The following PDE3B variants were observed in gnomAD, a reference collection of about 807,000 sequenced individuals.
PDE3B encodes the protein cGMP-inhibited 3',5'-cyclic phosphodiesterase 3B.
Under a neutral mutation model 116.8 loss-of-function variants are expected in PDE3B, and 66 were observed. The observed-to-expected ratio is 0.56, with a 90% CI of 0.46 to 0.69. PDE3B has a LOEUF of 0.69. Among genes scored for constraint, PDE3B ranks in the 30% least tolerant of loss-of-function variants. PDE3B has a pLI of 0.00. For missense variants in PDE3B, 1,384 were observed against 1,368.1 expected (o/e 1.01, Z -0.18); for synonymous variants, 595 against 533.6 (o/e 1.12, Z -1.59).
chr11:14,766,258 A>G (rs1379393177), intron 1 of PDE3B, among the ~76,000 whole-genome samples: 1 of 151,510 alleles, frequency 6.6e-6, no homozygotes, highest in Non-Finnish European at 1.5e-5. Context: ...TCTCATCTCT[A>G]TTTCTCTTAA....
At chr11:14,868,581 A>T (rs1371758771) in intron 15 of PDE3B, among the ~76,000 whole-genome samples, 1 of 152,228 alleles carries the variant, frequency 6.6e-6, no homozygotes, top group East Asian at 1.9e-4. Flanking sequence ...AATGAAAATT[A>T]TCACTTTGTA....
rs368309107 is a variant in PDE3B at position 14,843,989 on chromosome 11, G to A, written c.2483G>A (p.Arg828Lys). 1.2e-6 allele frequency: 2 copies of A among 1,614,064 alleles called. No homozygotes were observed. The highest frequency in any genetic ancestry group is 1.7e-5 in the Admixed American group (1 of 60,024). The change falls in exon 12 of 16, where the codon AGG becomes AAG. Residue 828 changes from arginine (R) to lysine (K), a missense_variant. Physicochemically the swap from Arg to Lys is conservative, Grantham distance 26. Transcript: ENST00000282096. ...AAMHDYDHPG[R>K]TNAFLVATNA... Reference sequence around the variant, plus strand: ...ATGCATGATTATGATCACCCAGGGAGGACAAATGCATTTCTAGTGGCTACA... The same window carrying A: ...ATGCATGATTATGATCACCCAGGGAAGACAAATGCATTTCTAGTGGCTACA...
intron 1 of PDE3B, among the ~76,000 whole-genome samples, chr11:14,722,001 T>C (rs1302620625): frequency 1.3e-5 from 2 of 150,568 alleles, no homozygotes; most frequent in Non-Finnish European, 2.9e-5. Flanking sequence ...GATGAGTTCA[T>C]GTCCTTTGTA....
chr11:14,891,268 AAATGAGTCACCAAGTT>A, the PDE3B span: 5 of 985,164 alleles, frequency 5.1e-6, no homozygotes, highest in Non-Finnish European at 6.0e-6. Context: ...TATGAGTTTT[AAATGAGTCACCAAGTT>A]GGCAGTGACA....
At chr11:14,721,623 A>G (rs1180485283) in intron 1 of PDE3B, among the ~76,000 whole-genome samples, 3 of 149,218 alleles carry the variant, frequency 2.0e-5, no homozygotes, top group African/African-American at 5.0e-5. Flanking sequence ...TGTCCTTTCT[A>G]GGGACATGGA....
the PDE3B span, among the ~76,000 whole-genome samples, chr11:14,881,137 C>T: frequency 3.3e-5 from 5 of 151,984 alleles, no homozygotes; most frequent in Admixed American, 6.6e-5. Flanking sequence ...TTATCTTAGA[C>T]TAAACAAACA....
At chr11:14,832,976 G>A in intron 10 of PDE3B, 143 bp downstream of exon 10, 1 of 486,780 alleles carries the variant, frequency 2.1e-6, no homozygotes, top group South Asian at 2.8e-5. Context: ...TGAGACAAGA[G>A]TCTTGATCTT....
chr11:14,693,669 C>A (rs1482975636), intron 1 of PDE3B, among the ~76,000 whole-genome samples: 5 of 152,228 alleles, frequency 3.3e-5, no homozygotes, highest in Non-Finnish European at 5.9e-5. Context: ...AAATATATTC[C>A]TTTCAAAATA....
intron 1 of PDE3B, among the ~76,000 whole-genome samples, chr11:14,702,162 G>A (rs1855383692): frequency 6.6e-6 from 1 of 151,202 alleles, no homozygotes; most frequent in South Asian, 2.1e-4. Flanking sequence ...TCATCTTTCT[G>A]TCCGTCTACT....
chr11:14,692,694 G>T (rs1177808809), intron 1 of PDE3B, among the ~76,000 whole-genome samples: 1 of 152,086 alleles, frequency 6.6e-6, no homozygotes, highest in Non-Finnish European at 1.5e-5. Context: ...TAAATGTGTG[G>T]GTTCTGACTG....
At chr11:14,866,831 GTAGA>G (rs1808888512) in intron 14 of PDE3B, among the ~76,000 whole-genome samples, 1 of 151,980 alleles carries the variant, frequency 6.6e-6, no homozygotes, top group African/African-American at 2.4e-5. Flanking sequence ...TCCCTATTAG[GTAGA>G]TTATTATTCA....
intron 1 of PDE3B, among the ~76,000 whole-genome samples, chr11:14,749,448 A>G (rs1856998264): frequency 6.6e-6 from 1 of 152,140 alleles, no homozygotes; most frequent in African/African-American, 2.4e-5. Context: ...AAATAGTTAT[A>G]CTGAATCAAA....
chr11:14,668,122 A>T lies in PDE3B; in HGVS notation c.978+23069A>T, dbSNP rs142876755. Reference sequence around the variant, plus strand: ...AAGGGGGAGACATCCAGGTAAGAGGACACGTATGCTGTCTTTCCAATATTG... The same window carrying T: ...AAGGGGGAGACATCCAGGTAAGAGGTCACGTATGCTGTCTTTCCAATATTG... On this transcript the variant is annotated intron_variant, in intron 1 of 15. Coordinates refer to ENST00000282096, the MANE Select transcript of PDE3B (RefSeq NM_000922.4). 2.0e-3 allele frequency among the ~76,000 whole-genome samples: 299 copies of T among 152,112 alleles called. 2 individuals carry two copies. Among genetic ancestry groups the T allele is most frequent in the South Asian group, 7.1e-3 (34 of 4,820 alleles).
intron 1 of PDE3B, among the ~76,000 whole-genome samples, chr11:14,655,194 A>G (rs1329300805): frequency 6.6e-6 from 1 of 152,200 alleles, no homozygotes; most frequent in Non-Finnish European, 1.5e-5. Flanking sequence ...AACTGGTAAT[A>G]TTAATATCAG....
chr11:14,661,486 A>G (rs1853907337), intron 1 of PDE3B, among the ~76,000 whole-genome samples: 1 of 152,228 alleles, frequency 6.6e-6, no homozygotes, highest in African/African-American at 2.4e-5. Context: ...ACCGTGCACG[A>G]GCCGAAGCAG....
chr11:14,786,008 G>T (rs1402602008), intron 2 of PDE3B, among the ~76,000 whole-genome samples: 1 of 151,950 alleles, frequency 6.6e-6, no homozygotes, highest in East Asian at 1.9e-4. Context: ...ATATTCAGAG[G>T]TTAAGTAAAT....
chr11:14,805,024 A>G lies in PDE3B; in HGVS notation c.1522+974A>G, dbSNP rs1359285049. 2.6e-5 allele frequency among the ~76,000 whole-genome samples: 4 copies of G among 152,324 alleles called. No individual in the cohort carries two copies. The East Asian group carries it at 7.7e-4, about 29-fold the overall frequency. Reference sequence around the variant, plus strand: ...AATAACAGAACAAAGTTTAAAAGACATATGGGACACAGAAGTTCTAAAATA... The same window carrying G: ...AATAACAGAACAAAGTTTAAAAGACGTATGGGACACAGAAGTTCTAAAATA... On this transcript the variant is annotated intron_variant, in intron 5 of 15. Coordinates refer to ENST00000282096, the MANE Select transcript of PDE3B (RefSeq NM_000922.4).
At chr11:14,851,542 G>T (rs1191075481) in intron 12 of PDE3B, among the ~76,000 whole-genome samples, 1 of 150,724 alleles carries the variant, frequency 6.6e-6, no homozygotes, top group Non-Finnish European at 1.5e-5. Context: ...GTGTTAATGG[G>T]TTAAAAGGGC....
intron 1 of PDE3B, among the ~76,000 whole-genome samples, chr11:14,667,914 G>T (rs192758824): frequency 3.8e-4 from 58 of 151,826 alleles, no homozygotes; most frequent in African/African-American, 1.4e-3. Context: ...TGCCTGGTAA[G>T]AGCTCAAATA....
Sources: allele counts gnomAD v4.1 joint callset (sites outside exome capture counted in the v4.1 genomes callset), GRCh38; gene constraint gnomAD v4.1.1; transcripts MANE v1.5; gene names NCBI Gene and HGNC (gene_info 2026-07-23, HGNC 2026-07-21).